Variants in ARHGAP15 observed in about 807,000 individuals in gnomAD.
ARHGAP15 encodes the protein Rho GTPase activating protein 15, also known as rho GTPase-activating protein 15.
A neutral mutation model predicts 63.7 loss-of-function variants in ARHGAP15; 51 were observed. That is an observed-to-expected ratio of 0.80 (90% CI 0.64 to 1.01). The LOEUF is 1.01. Among genes scored for constraint, ARHGAP15 ranks in the 50% least tolerant of loss-of-function variants. ARHGAP15 has a pLI of 0.00. For synonymous variants in ARHGAP15, 191 were observed against 193.8 expected, an observed-to-expected ratio of 0.99 and a Z score of 0.12; for missense variants, 560 against 564.6, an observed-to-expected ratio of 0.99 and a Z score of 0.08.
intron 4 of ARHGAP15, among the ~76,000 whole-genome samples, chr2:143,216,827 T>C (rs1226861830): frequency 6.6e-6 from 1 of 152,180 alleles, no homozygotes; most frequent in African/African-American, 2.4e-5. Flanking sequence ...GGATGGAAGA[T>C]TTGAACCACT....
chr2:143,754,977 CT>C (rs1310114069), intron 13 of ARHGAP15, among the ~76,000 whole-genome samples: 8 of 152,270 alleles, frequency 5.3e-5, no homozygotes, highest in African/African-American at 1.9e-4. Flanking sequence ...CACAGTGTTG[CT>C]GACTGAACAT....
intron 12 of ARHGAP15, among the ~76,000 whole-genome samples, chr2:143,683,649 T>G (rs1683203467): frequency 6.6e-6 from 1 of 152,230 alleles, no homozygotes; most frequent in Non-Finnish European, 1.5e-5. Flanking sequence ...ATTATTGTAA[T>G]AAGTACATTC....
intron 8 of ARHGAP15, 70 bp from the exon 9 acceptor site, chr2:143,487,303 C>T (rs1692367906): frequency 2.0e-6 from 3 of 1,519,746 alleles, no homozygotes; most frequent in African/African-American, 1.4e-5. Context: ...GTTTTCTATT[C>T]AGATTTGCAT....
At chr2:143,627,895 A>G (rs1698900209) in intron 12 of ARHGAP15, among the ~76,000 whole-genome samples, 1 of 151,948 alleles carries the variant, frequency 6.6e-6, no homozygotes, top group Non-Finnish European at 1.5e-5. Flanking sequence ...ATACTGCGTG[A>G]TGCTGAGGTT....
At chr2:143,438,387 A>G (rs569705045) in intron 8 of ARHGAP15, among the ~76,000 whole-genome samples, 1 of 152,286 alleles carries the variant, frequency 6.6e-6, no homozygotes, top group South Asian at 2.1e-4. Context: ...TACACATATG[A>G]TAGGGAAGAG....
intron 6 of ARHGAP15, among the ~76,000 whole-genome samples, chr2:143,344,926 T>C (rs1031670632): frequency 6.6e-6 from 1 of 152,112 alleles, no homozygotes; most frequent in Non-Finnish European, 1.5e-5. Flanking sequence ...TCTGCAGGGC[T>C]CTTAAGCGGT....
intron 12 of ARHGAP15, among the ~76,000 whole-genome samples, chr2:143,652,144 T>A (rs1189534551): frequency 2.6e-5 from 4 of 151,958 alleles, no homozygotes; most frequent in African/African-American, 7.2e-5. Flanking sequence ...GTCAGATAGT[T>A]CTCTACTTTT....
At chr2:143,746,659 C>A (rs969264545) in intron 13 of ARHGAP15, among the ~76,000 whole-genome samples, 2 of 152,148 alleles carry the variant, frequency 1.3e-5, no homozygotes, top group Non-Finnish European at 2.9e-5. Flanking sequence ...TAACATATCA[C>A]CTAAATGCAA....
chr2:143,234,272 G>A (rs1318822099), intron 5 of ARHGAP15, among the ~76,000 whole-genome samples: 2 of 152,004 alleles, frequency 1.3e-5, no homozygotes, highest in Admixed American at 1.3e-4. Flanking sequence ...TAACTAGGAG[G>A]CATAGTTGTT....
intron 12 of ARHGAP15, among the ~76,000 whole-genome samples, chr2:143,665,791 C>T (rs1362005844): frequency 1.2e-3 from 187 of 151,792 alleles, no homozygotes; most frequent in Non-Finnish European, 2.4e-3. Context: ...AACAGAAAGC[C>T]AAATCATGAG....
intron 5 of ARHGAP15, among the ~76,000 whole-genome samples, chr2:143,245,979 T>G (rs552237645): frequency 5.5e-4 from 83 of 151,910 alleles, no homozygotes; most frequent in Non-Finnish European, 1.1e-3. Flanking sequence ...AAGTGGGAAA[T>G]GACACAGGAA....
intron 10 of ARHGAP15, among the ~76,000 whole-genome samples, chr2:143,552,178 A>G (rs1216372511): frequency 6.6e-6 from 1 of 152,220 alleles, no homozygotes; most frequent in Non-Finnish European, 1.5e-5. Flanking sequence ...CAAAATTCCC[A>G]GCCCACATTT....
At chr2:143,456,627 A>G (rs1030832000) in intron 8 of ARHGAP15, among the ~76,000 whole-genome samples, 4 of 151,870 alleles carry the variant, frequency 2.6e-5, no homozygotes, top group Non-Finnish European at 1.5e-5. Flanking sequence ...AGACAGTTAT[A>G]TGTTAATAAT....
chr2:143,629,426 T>A (rs1698976327), intron 12 of ARHGAP15, among the ~76,000 whole-genome samples: 1 of 152,164 alleles, frequency 6.6e-6, no homozygotes, highest in Non-Finnish European at 1.5e-5. Context: ...GGAAATGACT[T>A]GTACTGAAGG....
chr2:143,510,437 G>C (rs1693534178), intron 9 of ARHGAP15, among the ~76,000 whole-genome samples: 1 of 152,196 alleles, frequency 6.6e-6, no homozygotes, highest in Admixed American at 6.5e-5. Context: ...CAATGCTGAT[G>C]CTGGTGGTGG....
intron 4 of ARHGAP15, among the ~76,000 whole-genome samples, chr2:143,221,718 T>C (rs1693005197): frequency 6.6e-6 from 1 of 152,240 alleles, no homozygotes; most frequent in Admixed American, 6.5e-5. Context: ...TCAGCTCCTG[T>C]GTGGCTCTGC....
intron 12 of ARHGAP15, among the ~76,000 whole-genome samples, chr2:143,682,277 C>T (rs146969300): frequency 1.3e-5 from 2 of 149,524 alleles, no homozygotes; most frequent in African/African-American, 4.9e-5. Flanking sequence ...ATTAAACTAA[C>T]GCTGTAACCT....
At chr2:143,468,988 C>G (rs182414833) in intron 8 of ARHGAP15, among the ~76,000 whole-genome samples, 2 of 152,018 alleles carry the variant, frequency 1.3e-5, no homozygotes. Context: ...CCAGCCTTTC[C>G]TATATTAAAA....
intron 3 of ARHGAP15, among the ~76,000 whole-genome samples, chr2:143,215,584 T>C (rs377557170): frequency 2.4e-4 from 36 of 152,242 alleles, no homozygotes; most frequent in African/African-American, 8.7e-4. Context: ...GAGTGAAAGA[T>C]GAAGGCTAAC....
Sources: gnomAD v4.1 joint callset for allele counts (sites outside exome capture counted in the v4.1 genomes callset) on GRCh38, gnomAD v4.1.1 for gene constraint, MANE v1.5 for transcripts, NCBI Gene and HGNC (gene_info 2026-07-23, HGNC 2026-07-21) for gene names.